Variants in GBE1 observed in about 807,000 individuals in gnomAD.
GBE1 encodes 1,4-alpha-glucan branching enzyme 1.
GBE1 carries 70 observed loss-of-function variants against 88.8 expected under a neutral mutation model. That is an observed-to-expected ratio of 0.79 (90% CI 0.65 to 0.96). The LOEUF (loss-of-function observed/expected upper bound fraction) is 0.96. Ranked by LOEUF, GBE1 falls within the 40% of genes least tolerant of loss-of-function variation. The pLI, the probability that GBE1 is intolerant of heterozygous loss-of-function variation, is 0.00. For synonymous variants in GBE1, 284 were observed against 300.1 expected (o/e 0.95, Z 0.56); for missense variants, 872 against 871.0 (o/e 1.00, Z -0.01).
rs28763897 is a variant in GBE1 at position 81,499,337 on chromosome 3, T to C, written c.1935-110A>G. ...GTTTTTGAGCAGTGTTAAATCATAA[T>C]TTGTGCTAAGAACTCATTTCTTCTT... On this transcript the variant is annotated intron_variant, in intron 14 of 15. Coordinates refer to ENST00000429644, the MANE Select transcript of GBE1 (RefSeq NM_000158.4). 443 of 726,952 alleles carry C rather than the reference T, an allele frequency of 6.1e-4. No homozygotes were observed. The African/African-American group carries it at 7.2e-3, about 12-fold the overall frequency. The allele number at this position is 726,952 out of a possible 1,614,324, so 45.0% of individuals were successfully genotyped here.
chr3:81,592,144 T>C (rs1703887824), intron 8 of GBE1, among the ~76,000 whole-genome samples: 1 of 152,154 alleles, frequency 6.6e-6, no homozygotes, highest in Non-Finnish European at 1.5e-5. Flanking sequence ...TGTGTATGTG[T>C]GTGTGCGCGC....
Position 81,523,792 on chromosome 3 carries a change from C to T in GBE1, c.1934+11403G>A, listed in dbSNP as rs1204644845. ...TGGCTTATTTCACTGAACATAATGA[C>T]CTCCAGTTCCATCCATATTGTTGCA... On this transcript the variant is annotated intron_variant, in intron 14 of 15. Coordinates refer to ENST00000429644, the MANE Select transcript of GBE1 (RefSeq NM_000158.4). 2.6e-5 allele frequency among the ~76,000 whole-genome samples: 4 copies of T among 151,816 alleles called. No individual in the cohort carries two copies. The South Asian group carries it at 8.3e-4, about 31-fold the overall frequency.
intron 3 of GBE1, among the ~76,000 whole-genome samples, chr3:81,663,863 G>A (rs1452064288): frequency 6.6e-6 from 1 of 152,136 alleles, no homozygotes; most frequent in East Asian, 1.9e-4. Flanking sequence ...CGCGCGCCCT[G>A]TGAGGGGACA....
intron 3 of GBE1, among the ~76,000 whole-genome samples, chr3:81,659,209 A>G (rs1704987156): frequency 1.3e-5 from 2 of 152,328 alleles, no homozygotes; most frequent in South Asian, 4.1e-4. Context: ...TAGGGGAAGC[A>G]CTATCATAGG....
chr3:81,732,082 C>T (rs1034507572), intron 1 of GBE1, among the ~76,000 whole-genome samples: 7 of 152,098 alleles, frequency 4.6e-5, no homozygotes, highest in Non-Finnish European at 5.9e-5. Context: ...CAATTGTCTG[C>T]TTTGTTTATT....
At chr3:81,625,566 T>C (rs1294216189) in intron 7 of GBE1, among the ~76,000 whole-genome samples, 5 of 152,018 alleles carry the variant, frequency 3.3e-5, no homozygotes, top group Non-Finnish European at 7.4e-5. Context: ...ACCTCCCAAG[T>C]ATCAAAGACT....
chr3:81,703,054 T>A (rs1705723828), intron 2 of GBE1, among the ~76,000 whole-genome samples: 1 of 151,952 alleles, frequency 6.6e-6, no homozygotes, highest in Admixed American at 6.6e-5. Flanking sequence ...TTATAGTAGT[T>A]GGGTATCTTT....
chr3:81,520,602 CATT>C (rs1222929922), intron 14 of GBE1, among the ~76,000 whole-genome samples: 1 of 151,474 alleles, frequency 6.6e-6, no homozygotes, highest in East Asian at 1.9e-4. Context: ...ATATAAAAGG[CATT>C]ATGTTTCTTT....
chr3:81,539,839 A>G (rs1471776316), intron 12 of GBE1, among the ~76,000 whole-genome samples: 1 of 152,046 alleles, frequency 6.6e-6, no homozygotes, highest in Non-Finnish European at 1.5e-5. Context: ...TAAATTTAAG[A>G]CACGAAGGAA....
At chr3:81,737,375 ATTTTTATATATATT>A (rs1706278161) in intron 1 of GBE1, among the ~76,000 whole-genome samples, 8 of 35,002 alleles carry the variant, frequency 2.3e-4, no homozygotes, top group East Asian at 2.2e-3. Context: ...ATTTATATAT[ATTTTTATATATATT>A]TATATAAATA....
intron 10 of GBE1, among the ~76,000 whole-genome samples, chr3:81,585,106 A>G (rs1169061922): frequency 6.6e-6 from 1 of 152,160 alleles, no homozygotes; most frequent in African/African-American, 2.4e-5. Flanking sequence ...TTTCTAAGTA[A>G]AAATCTTTAT....
chr3:81,745,209 ATAT>A (rs1706404787), intron 1 of GBE1, among the ~76,000 whole-genome samples: 1 of 152,214 alleles, frequency 6.6e-6, no homozygotes, highest in African/African-American at 2.4e-5. Flanking sequence ...AACTTTGATA[ATAT>A]TAACAATAAA....
chr3:81,684,338 C>T lies in GBE1; in HGVS notation c.314-13385G>A, dbSNP rs543293533. Among the ~76,000 whole-genome samples the T allele has an allele frequency of 5.3e-5, 8 of 152,320 alleles. No individual in the cohort carries two copies. In the East Asian group the frequency reaches 1.4e-3, roughly 26 times the overall value. On this transcript the variant is annotated intron_variant, in intron 2 of 15. Coordinates refer to ENST00000429644, the MANE Select transcript of GBE1 (RefSeq NM_000158.4). ...TCTTAGACAACTCAGGCTGCTATAA[C>T]AAATACCACAGACTGGGTCACTTAA...
chr3:81,539,677 CTGAA>C (rs1412765845), intron 12 of GBE1, among the ~76,000 whole-genome samples: 2 of 151,944 alleles, frequency 1.3e-5, no homozygotes, highest in African/African-American at 4.8e-5. Flanking sequence ...GACAGACTGA[CTGAA>C]TGGCGACAGT....
chr3:81,754,412 C>T (rs954870136), intron 1 of GBE1, among the ~76,000 whole-genome samples: 1 of 151,190 alleles, frequency 6.6e-6, no homozygotes, highest in Non-Finnish European at 1.5e-5. Flanking sequence ...AATGCAATCC[C>T]TATCAAAACG....
chr3:81,583,217 A>C (rs1559652337), intron 10 of GBE1, among the ~76,000 whole-genome samples: 2 of 152,286 alleles, frequency 1.3e-5, no homozygotes, highest in African/African-American at 2.4e-5. Context: ...CATAGTGACA[A>C]CACCAAATGC....
intron 14 of GBE1, among the ~76,000 whole-genome samples, chr3:81,514,352 G>A (rs970578581): frequency 1.8e-4 from 28 of 151,658 alleles, no homozygotes; most frequent in African/African-American, 6.3e-4. Flanking sequence ...ATTTCATTCA[G>A]TTATATGTTA....
At chr3:81,753,197 A>C (rs1706556112) in intron 1 of GBE1, among the ~76,000 whole-genome samples, 1 of 152,194 alleles carries the variant, frequency 6.6e-6, no homozygotes, top group African/African-American at 2.4e-5. Context: ...ATAGAGTCTT[A>C]CCTTTTGTCA....
rs571666851 is a variant in GBE1 at position 81,594,036 on chromosome 3, A to G, written c.993-13T>C. 1.6e-6 allele frequency: 2 copies of G among 1,279,100 alleles called. No homozygotes were observed. The highest frequency in any genetic ancestry group is 2.0e-5 in the Admixed American group (1 of 49,258). 79.2% of individuals were successfully genotyped at this position (1,279,100 alleles called of 1,614,324 possible). A position where few individuals can be genotyped will look rare whatever the true frequency, so the allele number is the denominator to read the frequency against. ...TAAAATTTCCCAGCTAAAATATAAG[A>G]GAAATATGTATTTAAGCAAAATGTG... is the stretch of plus-strand genomic sequence containing the variant. On this transcript the variant is annotated splice_polypyrimidine_tract_variant and intron_variant, in intron 7 of 15. Coordinates refer to ENST00000429644, the MANE Select transcript of GBE1 (RefSeq NM_000158.4).
Sources: gnomAD v4.1 joint callset for allele counts (sites outside exome capture counted in the v4.1 genomes callset) on GRCh38, gnomAD v4.1.1 for gene constraint, MANE v1.5 for transcripts, NCBI Gene and HGNC (gene_info 2026-07-23, HGNC 2026-07-21) for gene names.